Variants in TYW2 observed in about 807,000 individuals in gnomAD.
TYW2 encodes tRNA wybutosine-synthesizing protein 2, also known as tRNA wybutosine-synthesizing protein 2 homolog.
the TYW2 span, chr8:124,452,063 C>T: frequency 6.2e-7 from 1 of 1,614,156 alleles, no homozygotes; most frequent in East Asian, 2.2e-5. Context: ...ACCAGGGATT[C>T]TAGGGGAAAA....
At chr8:124,452,039 G>A in the TYW2 span, 1 of 1,614,134 alleles carries the variant, frequency 6.2e-7, no homozygotes, top group Non-Finnish European at 8.5e-7. Flanking sequence ...ACCAACCAAT[G>A]GAAAAATGGA....
At chr8:124,452,152 C>T in the TYW2 span, 1 of 1,614,124 alleles carries the variant, frequency 6.2e-7, no homozygotes, top group Non-Finnish European at 8.5e-7. Context: ...TCTTCTTCAG[C>T]AGGTGCATGG....
chr8:124,452,478 C>G, the TYW2 span: 1 of 558,668 alleles, frequency 1.8e-6, no homozygotes, highest in Non-Finnish European at 3.2e-6. Flanking sequence ...TTGGGAGAAG[C>G]AGCATGGCCC....
the TYW2 span, chr8:124,450,918 C>T: frequency 2.5e-6 from 4 of 1,607,816 alleles, no homozygotes; most frequent in South Asian, 2.2e-5. Flanking sequence ...GATGGAGTAT[C>T]GCTGAGGTGA....
At chr8:124,452,069 G>GA in the TYW2 span, 1 of 1,614,216 alleles carries the variant, frequency 6.2e-7, no homozygotes, top group Non-Finnish European at 8.5e-7. Context: ...GATTCTAGGG[G>GA]AAAAATGCTG....
At chr8:124,451,964 A>G in the TYW2 span, 1 of 1,614,118 alleles carries the variant, frequency 6.2e-7, no homozygotes, top group African/African-American at 1.3e-5. Flanking sequence ...CCAGGGAAGA[A>G]TCTTCAGGCT....
chr8:124,451,696 G>C, the TYW2 span: 3,149 of 1,614,182 alleles, frequency 2.0e-3, 63 homozygotes, highest in South Asian at 0.025. Flanking sequence ...AGTTCATGCT[G>C]GTGCTGCCTT....
the TYW2 span, chr8:124,452,528 T>A: frequency 2.2e-6 from 1 of 458,820 alleles, no homozygotes; most frequent in East Asian, 3.7e-5. Context: ...GAATTCCAAA[T>A]TCTGACCTCA....
At chr8:124,451,992 A>G in the TYW2 span, 12 of 1,614,244 alleles carry the variant, frequency 7.4e-6, no homozygotes, top group East Asian at 4.5e-5. Context: ...TCAGCAAAGT[A>G]GAGAAAGAGC....
the TYW2 span, chr8:124,451,832 T>C: frequency 3.7e-6 from 6 of 1,614,144 alleles, no homozygotes; most frequent in Non-Finnish European, 5.1e-6. Context: ...CTCTCAAATA[T>C]TGCAGATAGG....
the TYW2 span, chr8:124,452,153 A>T: frequency 6.2e-7 from 1 of 1,614,254 alleles, no homozygotes; most frequent in Non-Finnish European, 8.5e-7. Flanking sequence ...CTTCTTCAGC[A>T]GGTGCATGGG....
the TYW2 span, chr8:124,451,974 T>C: frequency 1.2e-5 from 19 of 1,614,196 alleles, no homozygotes; most frequent in Non-Finnish European, 1.5e-5. Context: ...ATCTTCAGGC[T>C]CTTGGAGTCA....
chr8:124,451,550 A>T, the TYW2 span: 12 of 1,614,198 alleles, frequency 7.4e-6, no homozygotes, highest in East Asian at 1.1e-4. Context: ...GGTATCCGTT[A>T]TAAGTTTGAC....
the TYW2 span, chr8:124,452,740 A>T: frequency 5.8e-6 from 1 of 171,674 alleles, no homozygotes; most frequent in African/African-American, 2.4e-5. Context: ...AGATGGAAAC[A>T]GAGAGACCAG....
chr8:124,451,279 C>G, the TYW2 span: 2 of 1,613,900 alleles, frequency 1.2e-6, no homozygotes, highest in African/African-American at 1.3e-5. Context: ...GGTGGAGGGT[C>G]GGGGAGTCAA....
At chr8:124,452,212 G>C in the TYW2 span, 1 of 1,614,046 alleles carries the variant, frequency 6.2e-7, no homozygotes, top group Non-Finnish European at 8.5e-7. Context: ...GAAATCCTAT[G>C]CTCCCCATGT....
chr8:124,452,518 G>A, the TYW2 span: 4 of 474,160 alleles, frequency 8.4e-6, no homozygotes, highest in Middle Eastern at 5.8e-4. Context: ...GTGCAATTAT[G>A]AATTCCAAAT....
chr8:124,451,759 C>G, the TYW2 span: 1 of 1,614,130 alleles, frequency 6.2e-7, no homozygotes, highest in Non-Finnish European at 8.5e-7. Flanking sequence ...GAGAAATAAC[C>G]TTGAGATCAA....
the TYW2 span, chr8:124,451,475 G>T: frequency 1.5e-5 from 25 of 1,614,194 alleles, no homozygotes; most frequent in Non-Finnish European, 2.0e-5. Flanking sequence ...TCACCGGATG[G>T]TACTCGAACT....
Sources: gnomAD v4.1 joint callset for allele counts on GRCh38, gnomAD v4.1.1 for gene constraint, MANE v1.5 for transcripts, NCBI Gene and HGNC (gene_info 2026-07-23, HGNC 2026-07-21) for gene names.